Variants in MIA2 observed in about 807,000 individuals in gnomAD.
MIA2 encodes MIA SH3 domain ER export factor 2, also known as melanoma inhibitory activity protein 2.
A neutral mutation model predicts 167.8 loss-of-function variants in MIA2; 127 were observed. The ratio of observed to expected loss-of-function variants is 0.76; its 90% confidence interval spans 0.66 to 0.88. MIA2 has a LOEUF of 0.88. Among genes scored for constraint, MIA2 ranks in the 40% least tolerant of loss-of-function variants. The pLI is 0.00. For missense variants in MIA2, 1,690 were observed against 1,624.7 expected, an observed-to-expected ratio of 1.04 and a Z score of -0.69; for synonymous variants, 552 against 541.9, an observed-to-expected ratio of 1.02 and a Z score of -0.26.
rs531579473 is a variant in MIA2, at chr14:39,326,620, ATATT to A, written c.3497-238_3497-235del. On this transcript the variant is annotated intron_variant, in intron 24 of 28. Coordinates refer to ENST00000640607, the MANE Select transcript of MIA2 (RefSeq NM_001329214.4). The stretch of plus-strand genomic sequence containing the variant: ...TTTATTTAATCATTTATTATATTTT[ATATT>A]TATTTTAAATATTTTATATTTATTT... Among the ~76,000 whole-genome samples, 236 of 148,606 alleles carry A rather than the reference ATATT, an allele frequency of 1.6e-3. 2 individuals are homozygous for A. Among genetic ancestry groups the A allele is most frequent in the African/African-American group, 5.3e-3 (219 of 40,996 alleles).
intron 25 of MIA2, among the ~76,000 whole-genome samples, chr14:39,341,084 C>T (rs2071705258): frequency 6.6e-6 from 1 of 152,000 alleles, no homozygotes; most frequent in Non-Finnish European, 1.5e-5. Flanking sequence ...GGCAGATCAC[C>T]TGAGGTCAGA....
chr14:39,354,069 G>T (rs1243226895), downstream of MIA2, among the ~76,000 whole-genome samples: 1 of 152,086 alleles, frequency 6.6e-6, no homozygotes, highest in Non-Finnish European at 1.5e-5. Context: ...TAATCCTTTG[G>T]GTATATACCC....
intron 4 of MIA2, among the ~76,000 whole-genome samples, chr14:39,252,187 C>A (rs1555344613): frequency 6.6e-6 from 1 of 152,016 alleles, no homozygotes; most frequent in Non-Finnish European, 1.5e-5. Flanking sequence ...TATATCTTAA[C>A]CCCCAGACCC....
intron 18 of MIA2, among the ~76,000 whole-genome samples, chr14:39,310,239 C>T (rs1160219324): frequency 1.3e-5 from 2 of 152,128 alleles, no homozygotes; most frequent in African/African-American, 4.8e-5. Flanking sequence ...ATTCTGTAAA[C>T]AGGTGTCCTT....
downstream of MIA2, among the ~76,000 whole-genome samples, chr14:39,352,896 T>C (rs902644437): frequency 3.9e-4 from 60 of 152,150 alleles, no homozygotes; most frequent in African/African-American, 1.4e-3. Context: ...ATTTAATCTT[T>C]TAGTGATTTT....
intron 10 of MIA2, among the ~76,000 whole-genome samples, chr14:39,292,401 T>C (rs2060857288): frequency 1.3e-5 from 2 of 152,198 alleles, no homozygotes; most frequent in Admixed American, 1.3e-4. Flanking sequence ...ATTTCAGTAA[T>C]TTTTTAGCAT....
chr14:39,308,140 C>T (rs1395055795), intron 17 of MIA2, among the ~76,000 whole-genome samples: 1 of 151,924 alleles, frequency 6.6e-6, no homozygotes, highest in African/African-American at 2.4e-5. Flanking sequence ...TTTGAATGTT[C>T]ATAACATAAA....
In MIA2 at chr14:39,234,079, A is replaced by C. The variant is rs1312745241; in HGVS notation, c.-36A>C. The C allele has an allele frequency of 2.1e-6, 3 of 1,407,092 alleles. No individual in the cohort carries two copies. The highest frequency in any genetic ancestry group is 2.9e-5 in the African/African-American group (2 of 68,900). 87.2% of individuals were successfully genotyped at this position (1,407,092 alleles called of 1,614,324 possible). A position where few individuals can be genotyped will look rare whatever the true frequency, so the allele number is the denominator to read the frequency against. On this transcript the variant is annotated 5_prime_UTR_variant, in exon 1 of 29. Coordinates refer to ENST00000640607, the MANE Select transcript of MIA2 (RefSeq NM_001329214.4). ...TCTCTACAACCTGAACAATTGGCTTAAACTTCACTTGGGATTCCCGGTTGC... is the reference window on the plus strand; with the variant it reads ...TCTCTACAACCTGAACAATTGGCTTCAACTTCACTTGGGATTCCCGGTTGC...
chr14:39,308,444 T>C lies in MIA2; in HGVS notation c.2879-5T>C, dbSNP rs1160893938. The C allele has an allele frequency of 4.0e-6, 6 of 1,486,358 alleles. No homozygotes were observed. The South Asian group carries it at 5.3e-5, about 13-fold the overall frequency. 92.1% of individuals were successfully genotyped at this position (1,486,358 alleles called of 1,614,324 possible). On this transcript the variant is annotated splice_polypyrimidine_tract_variant and splice_region_variant and intron_variant, in intron 17 of 28. Coordinates refer to ENST00000640607, the MANE Select transcript of MIA2 (RefSeq NM_001329214.4). ...CTTTAATTATGACTTAAAATTTTTATATAGAGCATATTAAAAATCTTCAGA... is the reference window on the plus strand; with the variant it reads ...CTTTAATTATGACTTAAAATTTTTACATAGAGCATATTAAAAATCTTCAGA...
At chr14:39,251,784 C>G (rs1313104432) in intron 4 of MIA2, among the ~76,000 whole-genome samples, 2 of 152,096 alleles carry the variant, frequency 1.3e-5, no homozygotes, top group African/African-American at 2.4e-5. Flanking sequence ...ATGAAACTGT[C>G]AAAGTGCTAT....
chr14:39,238,793 C>CAAAAAAAAAAAAAGAAAAAAAA (rs2053892252), intron 2 of MIA2, among the ~76,000 whole-genome samples: 1 of 30,806 alleles, frequency 3.2e-5, no homozygotes, highest in East Asian at 1.8e-3. Context: ...GACCCTGTCT[C>CAAAAAAAAAAAAAGAAAAAAAA]AAAAAAAAAA....
At chr14:39,288,872 T>G (rs184423370) in intron 9 of MIA2, among the ~76,000 whole-genome samples, 2 of 152,274 alleles carry the variant, frequency 1.3e-5, no homozygotes, top group Non-Finnish European at 2.9e-5. Flanking sequence ...TTATTTAGGA[T>G]TTTTGCATCA....
At chr14:39,284,202 C>A (rs1204543883) in intron 9 of MIA2, among the ~76,000 whole-genome samples, 1 of 152,026 alleles carries the variant, frequency 6.6e-6, no homozygotes, top group Non-Finnish European at 1.5e-5. Context: ...ATGTTTAGGT[C>A]TTTTATCCAC....
intron 13 of MIA2, among the ~76,000 whole-genome samples, chr14:39,299,305 C>CTTTTTTTTTTTTTTTT (rs34424266): frequency 3.2e-5 from 3 of 95,090 alleles, no homozygotes; most frequent in Non-Finnish European, 5.7e-5. Flanking sequence ...AATGGTATTT[C>CTTTTTTTTTTTTTTTT]TTTTTTTTTT....
intron 6 of MIA2, among the ~76,000 whole-genome samples, chr14:39,257,132 A>G (rs1027089288): frequency 6.6e-6 from 1 of 152,178 alleles, no homozygotes; most frequent in Non-Finnish European, 1.5e-5. Context: ...GAAGTCCTGA[A>G]TAACCTTGTT....
chr14:39,347,693 G>C lies in MIA2; in HGVS notation c.3779-20G>C. On this transcript the variant is annotated intron_variant, in intron 26 of 28. Coordinates refer to ENST00000640607, the MANE Select transcript of MIA2 (RefSeq NM_001329214.4). Reference sequence around the variant, plus strand: ...AAGTGATAAATCATGTACTTTTCATGGTTTAACTTTTATGTCTAGATGGGT... The same window carrying C: ...AAGTGATAAATCATGTACTTTTCATCGTTTAACTTTTATGTCTAGATGGGT... The C allele has an allele frequency of 6.2e-7, 1 of 1,609,610 alleles. No individual in the cohort carries two copies. The highest frequency in any genetic ancestry group is 1.1e-5 in the South Asian group (1 of 90,236).
intron 12 of MIA2, 51 bp from the exon 13 acceptor site, chr14:39,294,874 G>C (rs901694156): frequency 8.4e-7 from 1 of 1,188,420 alleles, no homozygotes; most frequent in East Asian, 2.3e-5. Flanking sequence ...GTAAAGATGA[G>C]CTATGTATTA....
chr14:39,239,485 T>C (rs2152608037), intron 2 of MIA2, among the ~76,000 whole-genome samples: 1 of 152,062 alleles, frequency 6.6e-6, no homozygotes, highest in Middle Eastern at 3.4e-3. Flanking sequence ...AGCCTGGAAG[T>C]TAGAGGTTAC....
chr14:39,295,937 T>C (rs1712719407), intron 13 of MIA2, among the ~76,000 whole-genome samples: 2 of 152,248 alleles, frequency 1.3e-5, no homozygotes, highest in Non-Finnish European at 2.9e-5. Flanking sequence ...TGTATACTTA[T>C]CCGGTTCATC....
Sources: gnomAD v4.1 joint callset for allele counts (sites outside exome capture counted in the v4.1 genomes callset) on GRCh38, gnomAD v4.1.1 for gene constraint, MANE v1.5 for transcripts, NCBI Gene and HGNC (gene_info 2026-07-23, HGNC 2026-07-21) for gene names.